Variants in KIAA1549L observed in about 807,000 individuals in gnomAD.
KIAA1549L encodes KIAA1549 like, also known as UPF0606 protein KIAA1549L.
Under a neutral mutation model 160.7 loss-of-function variants are expected in KIAA1549L, and 88 were observed. The observed-to-expected ratio is 0.55, with a 90% CI of 0.46 to 0.65. The LOEUF (loss-of-function observed/expected upper bound fraction) is 0.65, where lower values mean the gene tolerates loss of function less well. Among genes scored for constraint, KIAA1549L ranks in the 30% least tolerant of loss-of-function variants. The pLI, the probability that KIAA1549L is intolerant of heterozygous loss-of-function variation, is 0.00. For synonymous variants in KIAA1549L, 950 were observed against 976.7 expected, an observed-to-expected ratio of 0.97 and a Z score of 0.51; for missense variants, 2,258 against 2,437.5, an observed-to-expected ratio of 0.93 and a Z score of 1.55.
At chr11:33,549,758 C>T (rs1449611046) in intron 4 of KIAA1549L, among the ~76,000 whole-genome samples, 1 of 152,286 alleles carries the variant, frequency 6.6e-6, no homozygotes, top group Non-Finnish European at 1.5e-5. Context: ...AATCCCAACA[C>T]TTTGGGAGGC....
At position 33,497,441 on chromosome 11, in the gene KIAA1549L, G is replaced by T. The variant is rs184374619; in HGVS notation, c.239-44361G>T. ...CCATAATAAAACTCGTTTGTCTTGG[G>T]GCCCCATTTAGGTATGATGTCCTTT... On this transcript the variant is annotated intron_variant, in intron 1 of 20. Transcript: ENST00000658780. Among the ~76,000 whole-genome samples the T allele has an allele frequency of 7.9e-5, 12 of 151,988 alleles. No individual in the cohort carries two copies. The South Asian group carries it at 2.5e-3, about 32-fold the overall frequency.
intron 1 of KIAA1549L, among the ~76,000 whole-genome samples, chr11:33,441,953 T>G (rs1043658147): frequency 3.3e-5 from 5 of 152,052 alleles, no homozygotes; most frequent in Admixed American, 3.3e-4. Flanking sequence ...TTTTGGCTTT[T>G]GTTGCCATTG....
intron 1 of KIAA1549L, chr11:33,403,412 G>GAC (rs1200144309): frequency 7.2e-6 from 1 of 139,466 alleles, no homozygotes; most frequent in Non-Finnish European, 1.5e-5. Context: ...TGGACACACA[G>GAC]ACACACAGAC....
At chr11:33,521,404 G>T (rs1268193040) in intron 1 of KIAA1549L, among the ~76,000 whole-genome samples, 1 of 152,192 alleles carries the variant, frequency 6.6e-6, no homozygotes, top group East Asian at 1.9e-4. Context: ...GCCTGCATCT[G>T]CATCGGTAAA....
At chr11:33,395,036 G>T (rs923252605) in intron 1 of KIAA1549L, among the ~76,000 whole-genome samples, 1 of 152,202 alleles carries the variant, frequency 6.6e-6, no homozygotes, top group South Asian at 2.1e-4. Context: ...CAGGTTTGGC[G>T]AACAGCCAGC....
intron 1 of KIAA1549L, among the ~76,000 whole-genome samples, chr11:33,418,694 G>A (rs1850936525): frequency 6.6e-6 from 1 of 152,164 alleles, no homozygotes; most frequent in Non-Finnish European, 1.5e-5. Flanking sequence ...TGGGGTGGAT[G>A]GAGGCTTGTT....
chr11:33,448,621 T>C (rs1851662274), intron 1 of KIAA1549L, among the ~76,000 whole-genome samples: 1 of 152,204 alleles, frequency 6.6e-6, no homozygotes, highest in South Asian at 2.1e-4. Flanking sequence ...CAGCTTGAGG[T>C]CTTTTGGTTA....
rs78549323 is a variant in KIAA1549L at position 33,515,721 on chromosome 11, T to G, written c.239-26081T>G. Among the ~76,000 whole-genome samples, 1,079 of 152,322 alleles carry G rather than the reference T, an allele frequency of 7.1e-3. 17 individuals carry two copies. The highest frequency in any genetic ancestry group is 0.025 in the African/African-American group (1,042 of 41,554). ...CTGCTGATCTTTTCCTCTTTTTCAT[T>G]TGGTTTCTCAATCAGTCTTTAACCT... On this transcript the variant is annotated intron_variant, in intron 1 of 20. Transcript: ENST00000658780.
At chr11:33,432,576 C>T (rs1459517813) in intron 1 of KIAA1549L, among the ~76,000 whole-genome samples, 1 of 152,078 alleles carries the variant, frequency 6.6e-6, no homozygotes, top group Non-Finnish European at 1.5e-5. Context: ...ATATCTTTTC[C>T]TCCTATTTCC....
intron 1 of KIAA1549L, among the ~76,000 whole-genome samples, chr11:33,435,808 A>G (rs61887207): frequency 0.1 from 2,472 of 23,548 alleles, 255 homozygotes; most frequent in South Asian, 0.15. Flanking sequence ...ATATATATAT[A>G]TATGTGTGTG....
intron 1 of KIAA1549L, among the ~76,000 whole-genome samples, chr11:33,432,435 A>G (rs1851268319): frequency 6.6e-6 from 1 of 152,118 alleles, no homozygotes. Flanking sequence ...TTAAATGGAT[A>G]TGGGTTTTTT....
chr11:33,560,054 C>A lies in KIAA1549L; in HGVS notation c.4018+143C>A, dbSNP rs1015682557. On this transcript the variant is annotated intron_variant, in intron 7 of 20. Coordinates refer to ENST00000658780, the MANE Select transcript of KIAA1549L (RefSeq NM_012194.3). ...AATATGTGATGGATTAAGGTGACAG[C>A]TAAATATGGATTAAGGAGGCAGATG... 4 of 805,650 alleles carry A rather than the reference C, an allele frequency of 5.0e-6. No individual in the cohort carries two copies. In the African/African-American group the frequency reaches 6.8e-5, roughly 14 times the overall value. 49.9% of individuals were successfully genotyped at this position (805,650 alleles called of 1,614,324 possible).
intron 13 of KIAA1549L, among the ~76,000 whole-genome samples, chr11:33,599,844 T>C (rs531169314): frequency 2.0e-5 from 3 of 152,238 alleles, no homozygotes; most frequent in Non-Finnish European, 4.4e-5. Context: ...TTTAATGGGT[T>C]GTAGGTGGAG....
intron 4 of KIAA1549L, among the ~76,000 whole-genome samples, chr11:33,548,309 G>A (rs1442498610): frequency 2.0e-5 from 3 of 152,164 alleles, no homozygotes; most frequent in Non-Finnish European, 2.9e-5. Context: ...TGAGACAGGA[G>A]AATCGCTTGA....
intron 1 of KIAA1549L, among the ~76,000 whole-genome samples, chr11:33,421,328 A>G (rs569728388): frequency 1.3e-5 from 2 of 152,252 alleles, no homozygotes; most frequent in South Asian, 2.1e-4. Context: ...CGGAGAGGAA[A>G]GCTCCCCTGG....
intron 6 of KIAA1549L, among the ~76,000 whole-genome samples, chr11:33,553,078 C>T (rs949195005): frequency 4.6e-5 from 7 of 152,136 alleles, no homozygotes; most frequent in Non-Finnish European, 8.8e-5. Context: ...GATGGGAAAG[C>T]GTCCCCTGTA....
chr11:33,668,166 C>G lies in KIAA1549L; in HGVS notation c.*12C>G. 1 of 1,607,388 alleles carries G rather than the reference C, an allele frequency of 6.2e-7. No individual in the cohort carries two copies. On this transcript the variant is annotated 3_prime_UTR_variant, in exon 21 of 21. Transcript: ENST00000658780. Reference sequence around the variant, plus strand: ...AGTTCCAGGTCTAACGCCTTAGCCCCGTGGGACTCTGGACTTCCAAACTCT... The same window carrying G: ...AGTTCCAGGTCTAACGCCTTAGCCCGGTGGGACTCTGGACTTCCAAACTCT...
chr11:33,617,831 A>ATG (rs1311415134), intron 15 of KIAA1549L, among the ~76,000 whole-genome samples: 3 of 110,906 alleles, frequency 2.7e-5, no homozygotes, highest in Middle Eastern at 4.2e-3. Context: ...ATGGATGGAT[A>ATG]GGTAGGTGGG....
At chr11:33,614,531 G>GTGTAACAAGCTATATATAT (rs879500574) in intron 15 of KIAA1549L, among the ~76,000 whole-genome samples, 1 of 27,104 alleles carries the variant, frequency 3.7e-5, no homozygotes, top group Non-Finnish European at 6.6e-5. Context: ...AGTGTAACAA[G>GTGTAACAAGCTATATATAT]ATATATATAT....
Sources: gnomAD v4.1 joint callset for allele counts (sites outside exome capture counted in the v4.1 genomes callset) on GRCh38, gnomAD v4.1.1 for gene constraint, MANE v1.5 for transcripts, NCBI Gene and HGNC (gene_info 2026-07-23, HGNC 2026-07-21) for gene names.